Variants in PRKN observed in about 807,000 individuals in gnomAD.
PRKN encodes the protein E3 ubiquitin-protein ligase parkin.
Under a neutral mutation model 59.5 loss-of-function variants are expected in PRKN, and 56 were observed. That is an observed-to-expected ratio of 0.94 (90% confidence interval 0.76 to 1.18). PRKN has a LOEUF of 1.18. Ranked by LOEUF, PRKN falls within the 50% of genes most tolerant of loss-of-function variation. PRKN has a pLI of 0.00. For synonymous variants in PRKN, 250 were observed against 222.1 expected (o/e 1.13, Z -1.12); for missense variants, 657 against 596.4 (o/e 1.10, Z -1.06).
In PRKN at chr6:161,385,749, T is replaced by C. The variant is rs1202015117; in HGVS notation, c.1167+1045A>G. On this transcript the variant is annotated intron_variant, in intron 10 of 11. Transcript: ENST00000366898. The surrounding 1 kb of genome is among the most constrained non-coding windows in gnomAD (Gnocchi z 4.9). ...GTCTCTGGGCCATTATTGCTTTTGC[T>C]GTCAGTACCTGGTAAGCTCGCGTTT... Among the ~76,000 whole-genome samples the C allele has an allele frequency of 6.6e-6, 1 of 152,220 alleles. No individual in the cohort carries two copies. Among genetic ancestry groups the C allele is most frequent in the Admixed American group, 6.5e-5 (1 of 15,282 alleles).
intron 7 of PRKN, among the ~76,000 whole-genome samples, chr6:161,661,076 A>G (rs1784526764): frequency 6.6e-6 from 1 of 152,154 alleles, no homozygotes; most frequent in Admixed American, 6.5e-5. Context: ...AACCTCCATC[A>G]TCTCTGATCT....
At chr6:162,338,268 T>C (rs1783939120) in intron 2 of PRKN, among the ~76,000 whole-genome samples, 1 of 152,104 alleles carries the variant, frequency 6.6e-6, no homozygotes, top group African/African-American at 2.4e-5. Flanking sequence ...CCTCTCCCTC[T>C]CCCTACGGTC....
At chr6:162,147,265 C>T (rs1202168940) in intron 4 of PRKN, among the ~76,000 whole-genome samples, 1 of 149,644 alleles carries the variant, frequency 6.7e-6, no homozygotes, top group Non-Finnish European at 1.5e-5. Flanking sequence ...ATCATTTGAA[C>T]CTGGGAGGTG....
chr6:162,362,296 G>A (rs1321730201), intron 2 of PRKN, among the ~76,000 whole-genome samples: 4 of 152,172 alleles, frequency 2.6e-5, no homozygotes, highest in African/African-American at 9.6e-5. Context: ...TATATGTTTT[G>A]TATGTTTGAT....
intron 6 of PRKN, among the ~76,000 whole-genome samples, chr6:161,891,876 G>T (rs982806279): frequency 6.6e-6 from 1 of 152,208 alleles, no homozygotes; most frequent in Non-Finnish European, 1.5e-5. Context: ...GACCTTCAGA[G>T]ATCATGCTGT....
chr6:162,712,115 T>A (rs939885197), intron 1 of PRKN, among the ~76,000 whole-genome samples: 4 of 152,134 alleles, frequency 2.6e-5, no homozygotes, highest in Non-Finnish European at 5.9e-5. Context: ...TTAATCAGAG[T>A]GACTACAGGT....
intron 1 of PRKN, among the ~76,000 whole-genome samples, chr6:162,574,084 T>C (rs1283825470): frequency 6.6e-6 from 1 of 152,184 alleles, no homozygotes; most frequent in East Asian, 1.9e-4. Flanking sequence ...CCAGTCCACC[T>C]GGTACATGGT....
chr6:162,594,779 A>G (rs1049475444), intron 1 of PRKN, among the ~76,000 whole-genome samples: 1 of 152,194 alleles, frequency 6.6e-6, no homozygotes. Flanking sequence ...ACTGAACATG[A>G]TATTTTTTGG....
chr6:161,845,364 G>A (rs62436139), intron 6 of PRKN, among the ~76,000 whole-genome samples: 8,328 of 152,200 alleles, frequency 0.055, 244 homozygotes, highest in Non-Finnish European at 0.066. Context: ...TGTCTAGGAA[G>A]CACTGAACGA....
chr6:162,702,579 C>T (rs1439953834), intron 1 of PRKN, among the ~76,000 whole-genome samples: 3 of 152,118 alleles, frequency 2.0e-5, no homozygotes, highest in Non-Finnish European at 2.9e-5. Context: ...CTCAAGGTTG[C>T]CTAATCATAT....
At position 161,352,846 on chromosome 6, in the gene PRKN, C is replaced by T. The variant is rs376878673; in HGVS notation, c.1286-2635G>A. Among the ~76,000 whole-genome samples, 3 of 151,322 alleles carry T rather than the reference C, an allele frequency of 2.0e-5. No homozygotes were observed. The South Asian group carries it at 6.3e-4, about 32-fold the overall frequency. Reference sequence around the variant, plus strand: ...CCCAGGCTGGAGTACAGGGCGCGATCTGGGCTCACTGCCACCTCTGCCTCC... The same window carrying T: ...CCCAGGCTGGAGTACAGGGCGCGATTTGGGCTCACTGCCACCTCTGCCTCC... On this transcript the variant is annotated intron_variant, in intron 11 of 11. Coordinates refer to ENST00000366898, the MANE Select transcript of PRKN (RefSeq NM_004562.3). The surrounding 1 kb of genome is among the most constrained non-coding windows in gnomAD (Gnocchi z 5.8).
intron 3 of PRKN, among the ~76,000 whole-genome samples, chr6:162,240,107 G>A (rs868125774): frequency 1.5e-4 from 23 of 152,100 alleles, no homozygotes; most frequent in African/African-American, 5.6e-4. Context: ...CAGGTTTTAC[G>A]CTCAGGTTTG....
chr6:162,641,295 T>C (rs1018025911), intron 1 of PRKN, among the ~76,000 whole-genome samples: 3 of 144,402 alleles, frequency 2.1e-5, no homozygotes, highest in Non-Finnish European at 4.6e-5. Flanking sequence ...ATAATCTTTA[T>C]GAGGCCCCCT....
At chr6:161,746,089 C>A (rs1237295801) in intron 7 of PRKN, among the ~76,000 whole-genome samples, 1 of 152,180 alleles carries the variant, frequency 6.6e-6, no homozygotes, top group Non-Finnish European at 1.5e-5. Context: ...GGGTACAGCA[C>A]AAGTCTCTCC....
chr6:161,488,737 G>A lies in PRKN; in HGVS notation c.1083+60117C>T, dbSNP rs1777433293. Reference sequence around the variant, plus strand: ...CGGCCTCAAGTGATCCTCCCACCTTGGCCTCCTGAAGTGTTGGGATTACAG... The same window carrying A: ...CGGCCTCAAGTGATCCTCCCACCTTAGCCTCCTGAAGTGTTGGGATTACAG... On this transcript the variant is annotated intron_variant, in intron 9 of 11. Coordinates refer to ENST00000366898, the MANE Select transcript of PRKN (RefSeq NM_004562.3). This position sits in a 1 kb window ranked among gnomAD's most constrained non-coding sequence, Gnocchi z 4.5. Among the ~76,000 whole-genome samples the A allele has an allele frequency of 6.6e-6, 1 of 151,974 alleles. No homozygotes were observed. Among genetic ancestry groups the A allele is most frequent in the Admixed American group, 6.6e-5 (1 of 15,256 alleles).
chr6:162,626,896 T>C (rs1351953400), intron 1 of PRKN, among the ~76,000 whole-genome samples: 6 of 152,094 alleles, frequency 3.9e-5, no homozygotes, highest in Non-Finnish European at 7.3e-5. Flanking sequence ...TTATATTCAA[T>C]AAAATATTCA....
At chr6:162,658,532 G>A (rs1448837158) in intron 1 of PRKN, among the ~76,000 whole-genome samples, 1 of 151,730 alleles carries the variant, frequency 6.6e-6, no homozygotes, top group African/African-American at 2.4e-5. Flanking sequence ...ATGATGGCGG[G>A]TGACTGTAAT....
At chr6:162,359,008 C>T (rs1013775898) in intron 2 of PRKN, among the ~76,000 whole-genome samples, 9 of 140,624 alleles carry the variant, frequency 6.4e-5, no homozygotes, top group South Asian at 2.2e-4. Flanking sequence ...TGCAGTGAGC[C>T]GAGATTGTGC....
At chr6:162,063,164 T>C (rs1051340723) in intron 4 of PRKN, among the ~76,000 whole-genome samples, 1 of 152,098 alleles carries the variant, frequency 6.6e-6, no homozygotes, top group African/African-American at 2.4e-5. Flanking sequence ...CACTAAAATA[T>C]GACTATGCAA....
Sources: allele counts gnomAD v4.1 joint callset (sites outside exome capture counted in the v4.1 genomes callset), GRCh38; gene constraint gnomAD v4.1.1; non-coding constraint Gnocchi (gnomAD v3.1); transcripts MANE v1.5; gene names NCBI Gene and HGNC (gene_info 2026-07-23, HGNC 2026-07-21).